Variants in PEX5L observed in about 807,000 individuals in gnomAD.
PEX5L encodes peroxisomal biogenesis factor 5 like.
A neutral mutation model predicts 84.0 loss-of-function variants in PEX5L; 30 were observed. The observed-to-expected ratio is 0.36, with a 90% CI of 0.27 to 0.48. The LOEUF is 0.48. Among genes scored for constraint, PEX5L ranks in the 20% least tolerant of loss-of-function variants. PEX5L has a pLI of 0.99. For missense variants in PEX5L, 533 were observed against 754.6 expected (o/e 0.71, Z 3.44); for synonymous variants, 270 against 283.1 (o/e 0.95, Z 0.46).
At chr3:180,031,396 ACATAACCCC>A (rs1791452632) in intron 1 of PEX5L, among the ~76,000 whole-genome samples, 1 of 152,200 alleles carries the variant, frequency 6.6e-6, no homozygotes, top group Non-Finnish European at 1.5e-5. Flanking sequence ...ACTGAAAGAA[ACATAACCCC>A]CACTTCATAG....
intron 2 of PEX5L, among the ~76,000 whole-genome samples, chr3:179,945,111 T>C (rs901107362): frequency 5.9e-5 from 9 of 152,248 alleles, no homozygotes; most frequent in African/African-American, 1.9e-4. Context: ...CAATTTGCAA[T>C]TGGTTCCCTT....
At position 179,864,494 on chromosome 3, in the gene PEX5L, A is replaced by G. The variant is rs1311714361; in HGVS notation, c.727-5337T>C. Among the ~76,000 whole-genome samples, 3 of 152,126 alleles carry G rather than the reference A, an allele frequency of 2.0e-5. No homozygotes were observed. In the East Asian group the frequency reaches 5.8e-4, roughly 29 times the overall value. The stretch of plus-strand genomic sequence containing the variant: ...AATCGAAAAAACTTGAACCCATAGA[A>G]GCAGAGTAGAATGGTGGTTACCAGG... On this transcript the variant is annotated intron_variant, in intron 7 of 14. Coordinates refer to ENST00000467460, the MANE Select transcript of PEX5L (RefSeq NM_016559.3).
At chr3:179,892,000 T>C (rs1757767301) in intron 3 of PEX5L, among the ~76,000 whole-genome samples, 1 of 152,200 alleles carries the variant, frequency 6.6e-6, no homozygotes, top group South Asian at 2.1e-4. Flanking sequence ...AAAATAACTT[T>C]ATGAACTTCT....
chr3:179,997,187 T>A (rs1412053487), intron 1 of PEX5L, among the ~76,000 whole-genome samples: 1 of 152,184 alleles, frequency 6.6e-6, no homozygotes, highest in Non-Finnish European at 1.5e-5. Context: ...TCAGGGTAAC[T>A]GTGCACTGGG....
At chr3:179,900,837 T>G in intron 2 of PEX5L, 1 of 728,838 alleles carries the variant, frequency 1.4e-6, no homozygotes, top group Non-Finnish European at 2.4e-6. Context: ...CGTCACTGTT[T>G]TACAAGTGCG....
chr3:179,861,977 C>T (rs2108564454), intron 7 of PEX5L, among the ~76,000 whole-genome samples: 1 of 152,258 alleles, frequency 6.6e-6, no homozygotes, highest in East Asian at 1.9e-4. Flanking sequence ...ATATAAACTA[C>T]CACAAACTGG....
intron 2 of PEX5L, among the ~76,000 whole-genome samples, chr3:179,968,711 G>GTGTGTGTGTC (rs1783978097): frequency 7.6e-6 from 1 of 131,712 alleles, no homozygotes; most frequent in African/African-American, 2.7e-5. Context: ...GTGTGTGTGT[G>GTGTGTGTGTC]TGTGTGTGTG....
intron 2 of PEX5L, among the ~76,000 whole-genome samples, chr3:179,968,497 T>G (rs1006236284): frequency 6.6e-6 from 1 of 152,172 alleles, no homozygotes; most frequent in Non-Finnish European, 1.5e-5. Context: ...CTTTTAATAT[T>G]TATTTTACAA....
chr3:179,838,942 G>A (rs764717104), intron 8 of PEX5L, among the ~76,000 whole-genome samples: 8 of 151,972 alleles, frequency 5.3e-5, no homozygotes, highest in Non-Finnish European at 1.0e-4. Context: ...TTCCAACACA[G>A]GCTGTTAAAT....
At chr3:179,949,703 T>C (rs1778567031) in intron 2 of PEX5L, among the ~76,000 whole-genome samples, 1 of 152,020 alleles carries the variant, frequency 6.6e-6, no homozygotes, top group Admixed American at 6.5e-5. Context: ...AACCAAACCC[T>C]CAAGGGTAGG....
intron 8 of PEX5L, among the ~76,000 whole-genome samples, chr3:179,851,887 GT>G (rs965109001): frequency 6.6e-6 from 1 of 152,190 alleles, no homozygotes; most frequent in African/African-American, 2.4e-5. Flanking sequence ...TAGGGGAATA[GT>G]TTGAAAAATT....
chr3:179,871,749 T>C (rs1221721674), intron 7 of PEX5L, among the ~76,000 whole-genome samples: 3 of 152,264 alleles, frequency 2.0e-5, no homozygotes, highest in Non-Finnish European at 4.4e-5. Flanking sequence ...GACATCACTT[T>C]CCTTTTACTT....
At chr3:179,860,002 C>T (rs142562315) in intron 7 of PEX5L, among the ~76,000 whole-genome samples, 2 of 151,668 alleles carry the variant, frequency 1.3e-5, no homozygotes, top group African/African-American at 4.8e-5. Flanking sequence ...AACATTTAAA[C>T]ACATAATGTG....
At chr3:180,020,448 T>C (rs893244194) in intron 1 of PEX5L, among the ~76,000 whole-genome samples, 2 of 152,100 alleles carry the variant, frequency 1.3e-5, no homozygotes, top group Non-Finnish European at 2.9e-5. Context: ...AATTGCTTTT[T>C]TATTACATTA....
At chr3:179,927,809 C>G (rs1771888061) in intron 2 of PEX5L, among the ~76,000 whole-genome samples, 1 of 152,120 alleles carries the variant, frequency 6.6e-6, no homozygotes, top group Admixed American at 6.5e-5. Context: ...ATAGTGTAAA[C>G]TGTAGCAAAT....
At chr3:179,977,961 A>T (rs1785968293) in intron 1 of PEX5L, among the ~76,000 whole-genome samples, 1 of 152,206 alleles carries the variant, frequency 6.6e-6, no homozygotes, top group Non-Finnish European at 1.5e-5. Context: ...GGGCAAACAA[A>T]ACATATGGCA....
At chr3:180,014,861 C>T (rs1216634621) in intron 1 of PEX5L, among the ~76,000 whole-genome samples, 1 of 152,124 alleles carries the variant, frequency 6.6e-6, no homozygotes, top group African/African-American at 2.4e-5. Flanking sequence ...CTTGCAATTG[C>T]AGCTATTTCA....
chr3:179,854,286 A>C (rs1743067146), intron 8 of PEX5L, among the ~76,000 whole-genome samples: 1 of 151,968 alleles, frequency 6.6e-6, no homozygotes, highest in Non-Finnish European at 1.5e-5. Flanking sequence ...CATTTACTAC[A>C]AACAATACAT....
chr3:179,943,248 C>A (rs1776643363), intron 2 of PEX5L, among the ~76,000 whole-genome samples: 1 of 152,242 alleles, frequency 6.6e-6, no homozygotes, highest in African/African-American at 2.4e-5. Flanking sequence ...TGTATGAACA[C>A]TATGCCCTGT....
Sources: gnomAD v4.1 joint callset for allele counts (sites outside exome capture counted in the v4.1 genomes callset) on GRCh38, gnomAD v4.1.1 for gene constraint, MANE v1.5 for transcripts, NCBI Gene and HGNC (gene_info 2026-07-23, HGNC 2026-07-21) for gene names.